The following KCNIP4 variants were observed in gnomAD, a reference collection of about 807,000 sequenced individuals.
KCNIP4 encodes potassium voltage-gated channel interacting protein 4.
Under a neutral mutation model 34.0 loss-of-function variants are expected in KCNIP4, and 12 were observed. The ratio of observed to expected loss-of-function variants is 0.35; its 90% CI spans 0.23 to 0.57. KCNIP4 has a LOEUF of 0.57. KCNIP4 is among the 20% of genes least tolerant of loss of function. The pLI, the probability that KCNIP4 is intolerant of heterozygous loss-of-function variation, is 0.83. For synonymous variants in KCNIP4, 124 were observed against 102.2 expected (o/e 1.21, Z -1.29); for missense variants, 238 against 311.7 (o/e 0.76, Z 1.78).
chr4:20,974,439 G>GGA (rs111902728), intron 1 of KCNIP4, among the ~76,000 whole-genome samples: 8,540 of 152,176 alleles, frequency 0.056, 767 homozygotes, highest in African/African-American at 0.19. Context: ...AGCTGAAATG[G>GGA]AGGAAGGGTG....
At chr4:21,808,669 T>G (rs1721445552) in intron 1 of KCNIP4, among the ~76,000 whole-genome samples, 1 of 152,214 alleles carries the variant, frequency 6.6e-6, no homozygotes, top group African/African-American at 2.4e-5. Context: ...CAAGGTAAAC[T>G]GTATATGCAA....
intron 1 of KCNIP4, among the ~76,000 whole-genome samples, chr4:21,237,284 G>A (rs1323832166): frequency 6.6e-6 from 1 of 152,120 alleles, no homozygotes; most frequent in Non-Finnish European, 1.5e-5. Flanking sequence ...GTCTCATGGA[G>A]CTTATTTTAT....
intron 1 of KCNIP4, among the ~76,000 whole-genome samples, chr4:21,013,357 G>A (rs1156398058): frequency 6.6e-6 from 1 of 152,094 alleles, no homozygotes; most frequent in African/African-American, 2.4e-5. Context: ...TGTCAAGTAT[G>A]CTGACCACAC....
intron 1 of KCNIP4, among the ~76,000 whole-genome samples, chr4:20,919,227 T>A (rs1394766884): frequency 6.6e-6 from 1 of 152,166 alleles, no homozygotes; most frequent in Admixed American, 6.5e-5. Flanking sequence ...ACATTAGCCC[T>A]TGGAGAGCAG....
At chr4:20,806,912 A>G (rs1170301037) in intron 3 of KCNIP4, among the ~76,000 whole-genome samples, 1 of 152,170 alleles carries the variant, frequency 6.6e-6, no homozygotes, top group Non-Finnish European at 1.5e-5. Context: ...AACATAAACA[A>G]AATGACAGAG....
chr4:21,220,474 G>A (rs946096312), intron 1 of KCNIP4, among the ~76,000 whole-genome samples: 6 of 151,944 alleles, frequency 3.9e-5, no homozygotes, highest in Non-Finnish European at 8.8e-5. Context: ...TGAGTTAATG[G>A]GTGCAGCACA....
intron 1 of KCNIP4, among the ~76,000 whole-genome samples, chr4:21,412,078 T>G (rs963427268): frequency 6.6e-6 from 1 of 152,180 alleles, no homozygotes; most frequent in African/African-American, 2.4e-5. Context: ...AAGAAAGGGA[T>G]GCTTACCCTC....
At chr4:20,883,203 G>C (rs1724913166) in intron 1 of KCNIP4, among the ~76,000 whole-genome samples, 1 of 152,116 alleles carries the variant, frequency 6.6e-6, no homozygotes, top group South Asian at 2.1e-4. Flanking sequence ...TCACCTGTTA[G>C]TACCTTTGCC....
chr4:21,209,755 G>T (rs1475052520), intron 1 of KCNIP4, among the ~76,000 whole-genome samples: 2 of 152,048 alleles, frequency 1.3e-5, no homozygotes, highest in African/African-American at 2.4e-5. Flanking sequence ...ACAGTGTTGA[G>T]AATATAGTAG....
intron 1 of KCNIP4, among the ~76,000 whole-genome samples, chr4:21,448,170 T>C (rs1487950806): frequency 6.6e-6 from 1 of 152,148 alleles, no homozygotes. Flanking sequence ...AAAGTCTAGA[T>C]TACTTATAAT....
chr4:21,401,266 T>A (rs1723534452), intron 1 of KCNIP4, among the ~76,000 whole-genome samples: 1 of 152,230 alleles, frequency 6.6e-6, no homozygotes, highest in Non-Finnish European at 1.5e-5. Context: ...CAGCTGAAGT[T>A]TATTTTCCAT....
At chr4:21,709,900 A>G (rs1221720679) in intron 1 of KCNIP4, among the ~76,000 whole-genome samples, 1 of 152,198 alleles carries the variant, frequency 6.6e-6, no homozygotes, top group Non-Finnish European at 1.5e-5. Flanking sequence ...GCCAAATGCC[A>G]AAAGAGAAGC....
At chr4:21,913,824 T>A (rs1313372374) in intron 1 of KCNIP4, among the ~76,000 whole-genome samples, 1 of 152,082 alleles carries the variant, frequency 6.6e-6, no homozygotes, top group Non-Finnish European at 1.5e-5. Context: ...TAACAGAGAA[T>A]CACAGAGTGG....
chr4:21,032,602 A>G (rs1012179076), intron 1 of KCNIP4, among the ~76,000 whole-genome samples: 9 of 152,140 alleles, frequency 5.9e-5, no homozygotes, highest in African/African-American at 2.2e-4. Context: ...TCCTAGAAAA[A>G]AAATTGCTGC....
chr4:21,564,960 C>T (rs1283731308), intron 1 of KCNIP4, among the ~76,000 whole-genome samples: 1 of 152,096 alleles, frequency 6.6e-6, no homozygotes, highest in East Asian at 1.9e-4. Context: ...TCAAACATCT[C>T]CCCCAATTAG....
chr4:21,441,686 G>T (rs1369616992), intron 1 of KCNIP4, among the ~76,000 whole-genome samples: 1 of 151,996 alleles, frequency 6.6e-6, no homozygotes, highest in African/African-American at 2.4e-5. Context: ...ATCCTCCTAC[G>T]ATTACTTTCA....
chr4:21,485,628 G>A (rs548493629), intron 1 of KCNIP4, among the ~76,000 whole-genome samples: 1 of 152,256 alleles, frequency 6.6e-6, no homozygotes, highest in East Asian at 1.9e-4. Context: ...CAGCTTAAAA[G>A]CCACATCATA....
chr4:21,623,927 T>A (rs1745149325), intron 1 of KCNIP4, among the ~76,000 whole-genome samples: 1 of 152,112 alleles, frequency 6.6e-6, no homozygotes, highest in African/African-American at 2.4e-5. Context: ...GGAATTTGAA[T>A]AATAACCTTC....
chr4:20,996,734 C>A (rs190955115), intron 1 of KCNIP4, among the ~76,000 whole-genome samples: 1 of 150,882 alleles, frequency 6.6e-6, no homozygotes, highest in Admixed American at 6.7e-5. Context: ...ATTTAATTTT[C>A]TCCGTAGCAC....
Sources: allele counts gnomAD v4.1 joint callset (sites outside exome capture counted in the v4.1 genomes callset), GRCh38; gene constraint gnomAD v4.1.1; transcripts MANE v1.5; gene names NCBI Gene and HGNC (gene_info 2026-07-23, HGNC 2026-07-21).